PPEF1: variants seen among roughly 807,000 people sequenced by gnomAD.
PPEF1 encodes the protein serine/threonine-protein phosphatase with EF-hands 1.
A neutral mutation model predicts 53.3 loss-of-function variants in PPEF1; 12 were observed. That is an observed-to-expected ratio of 0.23 (90% CI 0.14 to 0.36). The LOEUF is 0.36. PPEF1 is among the 10% of genes least tolerant of loss of function. PPEF1 has a pLI of 1.00. For synonymous variants in PPEF1, 165 were observed against 176.7 expected (o/e 0.93, Z 0.52); for missense variants, 334 against 490.4 (o/e 0.68, Z 3.01).
intron 12 of PPEF1, among the ~76,000 whole-genome samples, chrX:18,809,781 C>G (rs1263544433): frequency 1.8e-5 from 2 of 110,543 alleles, no homozygotes; most frequent in Non-Finnish European, 3.8e-5. Context: ...GAATATTATT[C>G]CAACATAAAA....
chrX:18,743,758 A>C lies in PPEF1; in HGVS notation c.236-6034A>C, dbSNP rs781675861. On this transcript the variant is annotated intron_variant, in intron 3 of 15. Transcript: ENST00000470157. ...GCCACCGCTCCCGACCAAGTTGCTC[A>C]CCTTTTTGTATGTTTATTGGTCATG... Among the ~76,000 whole-genome samples the C allele has an allele frequency of 4.7e-5, 5 of 107,160 alleles. No homozygotes were observed. The East Asian group carries it at 1.5e-3, about 32-fold the overall frequency. 93.1% of individuals were successfully genotyped at this position (107,160 alleles called of 115,157 possible).
intron 12 of PPEF1, among the ~76,000 whole-genome samples, chrX:18,808,476 G>C (rs775860694): frequency 5.5e-5 from 6 of 109,512 alleles, no homozygotes; most frequent in African/African-American, 2.0e-4. Context: ...CATCCAGATT[G>C]GTTCCAGGAT....
intron 11 of PPEF1, among the ~76,000 whole-genome samples, 159 bp from the exon 12 acceptor site, chrX:18,806,244 C>T (rs1406910409): frequency 9.0e-5 from 10 of 111,188 alleles, no homozygotes; most frequent in Middle Eastern, 4.6e-3. Context: ...TGTTTTCCTC[C>T]GATGCAGTCA....
At chrX:18,679,331 G>A (rs1054783135), upstream of PPEF1, among the ~76,000 whole-genome samples, 1 of 112,105 alleles carries the variant, frequency 8.9e-6, no homozygotes, top group Non-Finnish European at 1.9e-5. Context: ...ACCCACCTCG[G>A]TCTCTCAAAG....
chrX:18,705,892 G>A (rs1216449758), upstream of PPEF1, among the ~76,000 whole-genome samples: 1 of 111,360 alleles, frequency 9.0e-6, no homozygotes, highest in Non-Finnish European at 1.9e-5. Flanking sequence ...TTCTTCAGTC[G>A]AGTTGAAATT....
chrX:18,706,818 CTTTTTTTTTTTT>C (rs767459911), upstream of PPEF1, among the ~76,000 whole-genome samples: 3 of 46,319 alleles, frequency 6.5e-5, no homozygotes, highest in South Asian at 3.7e-3. Flanking sequence ...TTCAAACCTC[CTTTTTTTTTTTT>C]TTTTTTTTTT....
intron 6 of PPEF1, among the ~76,000 whole-genome samples, chrX:18,777,350 A>G (rs2045986849): frequency 8.9e-6 from 1 of 112,680 alleles, no homozygotes; most frequent in Admixed American, 9.4e-5. Context: ...TTTAAAATGT[A>G]TATACATAAT....
rs1252428061 is a variant in PPEF1, at chrX:18,789,265, T to C, written c.1057T>C (p.Trp353Arg). 1 of 1,207,704 alleles carries C rather than the reference T, an allele frequency of 8.3e-7. No homozygotes were observed. The highest frequency in any genetic ancestry group is 1.1e-6 in the Non-Finnish European group (1 of 893,231). Residue 353 changes from tryptophan (W) to arginine (R), a missense_variant, in exon 10 of 16, where the codon TGG becomes CGG. By Grantham distance (101) the Trp-to-Arg change is moderately radical. Coordinates refer to ENST00000470157, the MANE Select transcript of PPEF1 (RefSeq NM_001377996.1). Reference protein sequence around the residue: ...SPTEHLTEHEWEQIIDILWSD... With the variant: ...SPTEHLTEHEREQIIDILWSD... ...TACTGAACACTTAACAGAGCATGAA[T>C]GGGAACAGGTAGGTAATCAGGGTGT...
upstream of PPEF1, among the ~76,000 whole-genome samples, chrX:18,682,206 G>A (rs1470677501): frequency 2.7e-5 from 3 of 112,142 alleles, no homozygotes; most frequent in African/African-American, 9.7e-5. Flanking sequence ...CAGTGTTGGA[G>A]CCCAGAATCT....
At chrX:18,678,616 G>T (rs930982494), upstream of PPEF1, among the ~76,000 whole-genome samples, 12 of 111,958 alleles carry the variant, frequency 1.1e-4, no homozygotes, top group Admixed American at 9.5e-4. Context: ...CTCTGATCCA[G>T]TGATTTCCAC....
At chrX:18,822,082 G>A (rs188870110) in intron 13 of PPEF1, among the ~76,000 whole-genome samples, 1,361 of 111,666 alleles carry the variant, frequency 0.012, 16 homozygotes, top group African/African-American at 0.041. Flanking sequence ...GTGCACCACC[G>A]CGTCTCCCAC....
intron 4 of PPEF1, among the ~76,000 whole-genome samples, chrX:18,750,788 C>T (rs1452490738): frequency 8.9e-6 from 1 of 111,739 alleles, no homozygotes; most frequent in African/African-American, 3.3e-5. Flanking sequence ...GCATTTCTAC[C>T]AGCAATCTAT....
At chrX:18,770,580 A>T (rs898771939) in intron 6 of PPEF1, among the ~76,000 whole-genome samples, 2 of 111,702 alleles carry the variant, frequency 1.8e-5, no homozygotes, top group Non-Finnish European at 1.9e-5. Context: ...AGGCTTATTG[A>T]GTGTCAAGTG....
chrX:18,692,223 C>T (rs974066427), intron 4 of PPEF1, among the ~76,000 whole-genome samples: 3 of 112,199 alleles, frequency 2.7e-5, no homozygotes, highest in African/African-American at 9.7e-5. Context: ...AAATTTAGCA[C>T]ACTGCTGACT....
intron 6 of PPEF1, among the ~76,000 whole-genome samples, chrX:18,769,787 A>G (rs1326081756): frequency 2.7e-5 from 3 of 111,873 alleles, no homozygotes; most frequent in Non-Finnish European, 5.6e-5. Context: ...ATCAGAACAG[A>G]CCTCTGAAAT....
At chrX:18,781,523 G>C (rs1279854847) in intron 7 of PPEF1, among the ~76,000 whole-genome samples, 1 of 111,696 alleles carries the variant, frequency 9.0e-6, no homozygotes, top group Non-Finnish European at 1.9e-5. Flanking sequence ...AAGGATGGTA[G>C]AGTCAGCTGT....
intron 1 of PPEF1, among the ~76,000 whole-genome samples, chrX:18,727,929 G>A (rs1003526735): frequency 6.3e-5 from 7 of 111,930 alleles, no homozygotes; most frequent in African/African-American, 9.7e-5. Flanking sequence ...CCACTGTTTC[G>A]CTATCCGGAA....
At chrX:18,713,799 A>G (rs1167760057) in intron 1 of PPEF1, among the ~76,000 whole-genome samples, 2 of 111,643 alleles carry the variant, frequency 1.8e-5, no homozygotes. Context: ...ATCATCCTAA[A>G]TGTTAGTTTT....
intron 6 of PPEF1, among the ~76,000 whole-genome samples, chrX:18,766,652 C>T (rs1156443854): frequency 8.9e-6 from 1 of 112,434 alleles, no homozygotes; most frequent in African/African-American, 3.2e-5. Flanking sequence ...CCTTCTCTCA[C>T]GCAAGGTTCA....
Sources: allele counts gnomAD v4.1 joint callset (sites outside exome capture counted in the v4.1 genomes callset), GRCh38; gene constraint gnomAD v4.1.1; transcripts MANE v1.5; gene names NCBI Gene and HGNC (gene_info 2026-07-23, HGNC 2026-07-21).